GTF2F2: variants seen among roughly 807,000 people sequenced by gnomAD.
GTF2F2 encodes the protein general transcription factor IIF subunit 2, also known as ATP-dependent helicase GTF2F2.
Under a neutral mutation model 42.2 loss-of-function variants are expected in GTF2F2, and 23 were observed. That is an observed-to-expected ratio of 0.55 (90% CI 0.39 to 0.77). The LOEUF (loss-of-function observed/expected upper bound fraction) is 0.77. Among genes scored for constraint, GTF2F2 ranks in the 30% least tolerant of loss-of-function variants. GTF2F2 has a pLI of 0.00. For synonymous variants in GTF2F2, 105 were observed against 100.8 expected, an observed-to-expected ratio of 1.04 and a Z score of -0.25; for missense variants, 261 against 287.2, an observed-to-expected ratio of 0.91 and a Z score of 0.66.
intron 7 of GTF2F2, among the ~76,000 whole-genome samples, chr13:45,279,389 A>T (rs770018584): frequency 6.6e-6 from 1 of 152,210 alleles, no homozygotes; most frequent in African/African-American, 2.4e-5. Flanking sequence ...GTGACATTCA[A>T]ATTCACGTAG....
chr13:45,208,896 A>T (rs1160805092), intron 5 of GTF2F2, among the ~76,000 whole-genome samples: 1 of 152,220 alleles, frequency 6.6e-6, no homozygotes, highest in Non-Finnish European at 1.5e-5. Context: ...TTTAGCTTAT[A>T]AAACTTATTG....
intron 2 of GTF2F2, among the ~76,000 whole-genome samples, chr13:45,138,554 C>G (rs1247721155): frequency 6.6e-6 from 1 of 152,188 alleles, no homozygotes; most frequent in South Asian, 2.1e-4. Flanking sequence ...TCAGCCAACT[C>G]TAGCTTTGTG....
intron 5 of GTF2F2, among the ~76,000 whole-genome samples, chr13:45,214,214 T>C (rs946454953): frequency 2.6e-5 from 4 of 152,222 alleles, no homozygotes; most frequent in Non-Finnish European, 4.4e-5. Context: ...TCTCTGCTGT[T>C]AAATTTTGGC....
At chr13:45,173,977 C>T (rs1287061750) in intron 4 of GTF2F2, among the ~76,000 whole-genome samples, 1 of 152,016 alleles carries the variant, frequency 6.6e-6, no homozygotes, top group Non-Finnish European at 1.5e-5. Flanking sequence ...TATATAAATG[C>T]TTTTTTCACT....
At chr13:45,200,549 C>T (rs535939644) in intron 4 of GTF2F2, among the ~76,000 whole-genome samples, 59 of 152,258 alleles carry the variant, frequency 3.9e-4, no homozygotes, top group African/African-American at 1.4e-3. Flanking sequence ...CTGCCTCAGC[C>T]TCCCAAAGTG....
chr13:45,243,056 T>A (rs562940480), intron 5 of GTF2F2, among the ~76,000 whole-genome samples: 2 of 152,208 alleles, frequency 1.3e-5, no homozygotes, highest in Non-Finnish European at 2.9e-5. Context: ...GTACATAACT[T>A]TTCACAAAGT....
chr13:45,197,358 A>T (rs1293345394), intron 4 of GTF2F2, among the ~76,000 whole-genome samples: 1 of 146,346 alleles, frequency 6.8e-6, no homozygotes, highest in Non-Finnish European at 1.5e-5. Flanking sequence ...AAAAAAAAAA[A>T]TTAGCTGGGG....
intron 5 of GTF2F2, among the ~76,000 whole-genome samples, chr13:45,244,266 G>A (rs991180708): frequency 6.6e-6 from 1 of 152,100 alleles, no homozygotes; most frequent in East Asian, 1.9e-4. Context: ...TCTGTTATAT[G>A]ACCTTTTATG....
intron 4 of GTF2F2, among the ~76,000 whole-genome samples, chr13:45,204,820 A>G (rs1277979402): frequency 6.6e-6 from 1 of 152,236 alleles, no homozygotes; most frequent in African/African-American, 2.4e-5. Context: ...TTTTCCATTC[A>G]CTTTGAGTAG....
intron 6 of GTF2F2, among the ~76,000 whole-genome samples, chr13:45,264,485 G>A (rs1342126886): frequency 1.3e-5 from 2 of 151,800 alleles, no homozygotes; most frequent in African/African-American, 2.4e-5. Context: ...GGCCGTGCTG[G>A]TCTTGAACTC....
intron 5 of GTF2F2, among the ~76,000 whole-genome samples, chr13:45,228,586 T>A (rs1026511938): frequency 6.6e-6 from 1 of 151,116 alleles, no homozygotes; most frequent in Non-Finnish European, 1.5e-5. Flanking sequence ...GAGCAGCTTC[T>A]CCTCATCCCT....
At position 45,136,804 on chromosome 13, in the gene GTF2F2, CAAGT is replaced by C; in HGVS notation, c.140+3_140+6del. The stretch of plus-strand genomic sequence containing the variant: ...GTGAAGTTGGGAAACTGCGGATTGC[CAAGT>C]AAGTTATTTACATATTCTTGACATT... On this transcript the variant is annotated splice_donor_variant and coding_sequence_variant, in exon 2 of 8. Transcript: ENST00000340473. LOFTEE classifies it high-confidence loss of function. The C allele has an allele frequency of 6.5e-7, 1 of 1,538,760 alleles. No homozygotes were observed. Among genetic ancestry groups the C allele is most frequent in the Non-Finnish European group, 9.0e-7 (1 of 1,112,524 alleles).
At chr13:45,183,948 C>T (rs897831824) in intron 4 of GTF2F2, among the ~76,000 whole-genome samples, 4 of 151,864 alleles carry the variant, frequency 2.6e-5, no homozygotes, top group Non-Finnish European at 5.9e-5. Context: ...CTCTTCCTCC[C>T]GGGCTCAAGC....
intron 4 of GTF2F2, among the ~76,000 whole-genome samples, chr13:45,203,525 T>G (rs898146908): frequency 1.3e-5 from 2 of 152,190 alleles, no homozygotes; most frequent in African/African-American, 4.8e-5. Flanking sequence ...CTGTACCTAA[T>G]TTGACAGTAT....
chr13:45,274,779 C>CA (rs369529007), intron 7 of GTF2F2, among the ~76,000 whole-genome samples: 246 of 152,000 alleles, frequency 1.6e-3, no homozygotes, highest in African/African-American at 5.7e-3. Context: ...CCTGTCTCCA[C>CA]AAAAAACACA....
intron 5 of GTF2F2, among the ~76,000 whole-genome samples, chr13:45,235,235 G>A (rs763674115): frequency 3.8e-4 from 58 of 151,676 alleles, no homozygotes; most frequent in Non-Finnish European, 6.3e-4. Flanking sequence ...TTATATTACC[G>A]GTAATTTCCA....
chr13:45,247,826 TTTG>T (rs372306072), intron 5 of GTF2F2, among the ~76,000 whole-genome samples: 1,900 of 151,696 alleles, frequency 0.013, 42 homozygotes, highest in African/African-American at 0.04. Context: ...AATTGCAGTT[TTTG>T]TTGTTGTTGT....
chr13:45,129,094 TAA>T (rs775443205), intron 1 of GTF2F2, among the ~76,000 whole-genome samples: 34 of 152,248 alleles, frequency 2.2e-4, no homozygotes, highest in Non-Finnish European at 3.8e-4. Context: ...TGATCTCATT[TAA>T]GAGTTCCAAA....
intron 7 of GTF2F2, among the ~76,000 whole-genome samples, chr13:45,271,963 C>G (rs1876812528): frequency 6.6e-6 from 1 of 152,022 alleles, no homozygotes; most frequent in Admixed American, 6.6e-5. Flanking sequence ...AAATTTACTA[C>G]TACTTAATAA....
Sources: allele counts gnomAD v4.1 joint callset (sites outside exome capture counted in the v4.1 genomes callset), GRCh38; gene constraint gnomAD v4.1.1; transcripts MANE v1.5; gene names NCBI Gene and HGNC (gene_info 2026-07-23, HGNC 2026-07-21).